PCCA: variants seen among roughly 807,000 people sequenced by gnomAD.
PCCA encodes propionyl-CoA carboxylase alpha chain, mitochondrial.
In PCCA, 74 loss-of-function variants were observed where a neutral mutation model predicts 101.3. The ratio of observed to expected loss-of-function variants is 0.73; its 90% CI spans 0.61 to 0.89. PCCA has a LOEUF of 0.89. Ranked by LOEUF, PCCA falls within the 40% of genes least tolerant of loss-of-function variation. PCCA has a pLI of 0.00. For missense variants in PCCA, 891 were observed against 907.0 expected, an observed-to-expected ratio of 0.98 and a Z score of 0.23; for synonymous variants, 294 against 313.6, an observed-to-expected ratio of 0.94 and a Z score of 0.66.
intron 22 of PCCA, among the ~76,000 whole-genome samples, chr13:100,517,267 C>T (rs1039437765): frequency 2.0e-5 from 3 of 152,172 alleles, no homozygotes; most frequent in Admixed American, 6.5e-5. Flanking sequence ...AGGCAGTAAA[C>T]GGGGCGCTCC....
At chr13:100,414,175 A>G (rs1275066024) in intron 19 of PCCA, among the ~76,000 whole-genome samples, 2 of 152,212 alleles carry the variant, frequency 1.3e-5, no homozygotes, top group African/African-American at 2.4e-5. Context: ...AGATTGACAG[A>G]TCTTCACTAT....
intron 21 of PCCA, among the ~76,000 whole-genome samples, chr13:100,474,470 G>A (rs9513758): frequency 4.2e-5 from 5 of 118,324 alleles, no homozygotes; most frequent in African/African-American, 1.2e-4. Flanking sequence ...CTCTCTCTCT[G>A]TCTCTGTCTC....
intron 1 of PCCA, among the ~76,000 whole-genome samples, chr13:100,091,741 G>A (rs969906286): frequency 1.3e-5 from 2 of 152,084 alleles, no homozygotes; most frequent in Non-Finnish European, 2.9e-5. Flanking sequence ...TTTATTTTTA[G>A]GGTATATGTA....
intron 4 of PCCA, among the ~76,000 whole-genome samples, chr13:100,117,695 C>G (rs1260937469): frequency 6.6e-6 from 1 of 151,592 alleles, no homozygotes; most frequent in African/African-American, 2.4e-5. Flanking sequence ...ATGGGTGCAG[C>G]AAAACAACAT....
At chr13:100,379,716 G>T (rs572433551) in intron 19 of PCCA, among the ~76,000 whole-genome samples, 2 of 152,166 alleles carry the variant, frequency 1.3e-5, no homozygotes, top group South Asian at 2.1e-4. Context: ...TCTTGCAGGG[G>T]AACTCCCCTT....
intron 16 of PCCA, among the ~76,000 whole-genome samples, chr13:100,319,289 T>A (rs1301647396): frequency 6.6e-6 from 1 of 152,140 alleles, no homozygotes; most frequent in Non-Finnish European, 1.5e-5. Flanking sequence ...GTAGGTTGCC[T>A]GTTCACTCTG....
intron 21 of PCCA, among the ~76,000 whole-genome samples, chr13:100,456,522 C>T (rs1260701503): frequency 1.3e-5 from 2 of 152,202 alleles, no homozygotes; most frequent in South Asian, 2.1e-4. Context: ...GTAGTGGCCC[C>T]GAACGGCTGG....
chr13:100,215,075 T>C (rs902257044), intron 7 of PCCA, among the ~76,000 whole-genome samples: 33 of 152,236 alleles, frequency 2.2e-4, no homozygotes, highest in Non-Finnish European at 4.1e-4. Context: ...TTGAAACTTA[T>C]GTGCTTAGTC....
chr13:100,476,040 C>T (rs967213351), intron 21 of PCCA, among the ~76,000 whole-genome samples: 2 of 152,168 alleles, frequency 1.3e-5, no homozygotes, highest in African/African-American at 4.8e-5. Flanking sequence ...TGTCTCTTCT[C>T]AAATGAGATG....
intron 22 of PCCA, chr13:100,527,457 T>C: frequency 4.2e-6 from 1 of 238,668 alleles, no homozygotes; most frequent in Non-Finnish European, 8.4e-6. Context: ...GGGTCAGGGA[T>C]TTTTTTTTTT....
intron 4 of PCCA, among the ~76,000 whole-genome samples, chr13:100,135,047 C>CA (rs2050994581): frequency 6.6e-6 from 1 of 151,772 alleles, no homozygotes; most frequent in South Asian, 2.1e-4. Flanking sequence ...CCAGCTTGTA[C>CA]TGTTTTGTTA....
At chr13:100,324,026 C>T (rs894303021) in intron 16 of PCCA, among the ~76,000 whole-genome samples, 1 of 152,142 alleles carries the variant, frequency 6.6e-6, no homozygotes, top group African/African-American at 2.4e-5. Flanking sequence ...TCGTAGGTTT[C>T]TTATGCAGCA....
At chr13:100,199,069 CA>C (rs1412166464) in intron 6 of PCCA, among the ~76,000 whole-genome samples, 1 of 151,938 alleles carries the variant, frequency 6.6e-6, no homozygotes, top group Non-Finnish European at 1.5e-5. Flanking sequence ...AAATAGTTTT[CA>C]AAATTTTTAT....
chr13:100,435,373 G>T (rs1057403534), intron 20 of PCCA, among the ~76,000 whole-genome samples: 1 of 152,134 alleles, frequency 6.6e-6, no homozygotes, highest in Non-Finnish European at 1.5e-5. Flanking sequence ...CTGCCATGTC[G>T]AGAATCACAT....
At chr13:100,495,918 C>T (rs12864917) in intron 21 of PCCA, among the ~76,000 whole-genome samples, 35,778 of 152,092 alleles carry the variant, frequency 0.24, 5,041 homozygotes, top group East Asian at 0.55. Flanking sequence ...ACCCAGAGTC[C>T]GCAAATGTTA....
intron 2 of PCCA, chr13:100,104,489 G>A (rs1042979549): frequency 1.3e-5 from 2 of 152,086 alleles, no homozygotes; most frequent in African/African-American, 4.8e-5. Context: ...CAAGTGTTTG[G>A]AAGTTCCTCC....
chr13:100,469,211 C>CAAAAA lies in PCCA; in HGVS notation c.1899+19918_1899+19922dup, dbSNP rs534361898. On this transcript the variant is annotated intron_variant, in intron 21 of 23. Transcript: ENST00000376285. The stretch of plus-strand genomic sequence containing the variant: ...GGGCAACAAGAGTGAAACTCCGTCT[C>CAAAAA]AAAAAAAAAAAAAAAAGAATCCCTT... Among the ~76,000 whole-genome samples, 188 of 65,044 alleles carry CAAAAA rather than the reference C, an allele frequency of 2.9e-3. 7 individuals are homozygous for CAAAAA. The highest frequency in any genetic ancestry group is 3.4e-3 in the Non-Finnish European group (113 of 33,300). 42.7% of individuals were successfully genotyped at this position (65,044 alleles called of 152,430 possible).
chr13:100,204,966 A>T (rs1216971269), intron 6 of PCCA, among the ~76,000 whole-genome samples: 3 of 151,608 alleles, frequency 2.0e-5, no homozygotes, highest in East Asian at 1.9e-4. Context: ...TTTTTTTTTT[A>T]AATGAATCAC....
At chr13:100,295,080 T>C (rs573744495) in intron 12 of PCCA, among the ~76,000 whole-genome samples, 2 of 152,262 alleles carry the variant, frequency 1.3e-5, no homozygotes, top group Admixed American at 6.5e-5. Context: ...CATCCTTGAG[T>C]GCTGTGGATC....
Sources: allele counts gnomAD v4.1 joint callset (sites outside exome capture counted in the v4.1 genomes callset), GRCh38; gene constraint gnomAD v4.1.1; transcripts MANE v1.5; gene names NCBI Gene and HGNC (gene_info 2026-07-23, HGNC 2026-07-21).